The following MDGA2 variants were observed in gnomAD, a reference collection of about 807,000 sequenced individuals.
MDGA2 encodes the protein MAM domain containing glycosylphosphatidylinositol anchor 2, also known as MAM domain-containing glycosylphosphatidylinositol anchor protein 2.
In MDGA2, 40 loss-of-function variants were observed where a neutral mutation model predicts 117.8. That is an observed-to-expected ratio of 0.34 (90% confidence interval 0.26 to 0.44). The LOEUF (loss-of-function observed/expected upper bound fraction) is 0.44, where lower values mean the gene tolerates loss of function less well. Ranked by LOEUF, MDGA2 falls within the 20% of genes least tolerant of loss-of-function variation. The pLI, the probability that MDGA2 is intolerant of heterozygous loss-of-function variation, is 1.00. For missense variants in MDGA2, 1,123 were observed against 1,250.6 expected (o/e 0.90, Z 1.54); for synonymous variants, 452 against 439.0 (o/e 1.03, Z -0.37).
At chr14:47,460,612 A>G (rs970467776) in intron 1 of MDGA2, among the ~76,000 whole-genome samples, 1 of 152,188 alleles carries the variant, frequency 6.6e-6, no homozygotes, top group Non-Finnish European at 1.5e-5. Context: ...GATAATATAT[A>G]TAATTTTATA....
intron 8 of MDGA2, among the ~76,000 whole-genome samples, chr14:47,010,668 C>T (rs892893833): frequency 1.8e-4 from 27 of 151,896 alleles, no homozygotes; most frequent in Middle Eastern, 6.8e-3. Flanking sequence ...CCTAAGTGTC[C>T]CCACAAAATG....
intron 2 of MDGA2, among the ~76,000 whole-genome samples, chr14:47,229,385 T>G (rs180938057): frequency 3.9e-5 from 6 of 152,230 alleles, no homozygotes; most frequent in Non-Finnish European, 2.9e-5. Context: ...ATCTCAATAA[T>G]CTCTATCACT....
chr14:47,235,498 C>A (rs537904830), intron 2 of MDGA2, among the ~76,000 whole-genome samples: 2 of 152,106 alleles, frequency 1.3e-5, no homozygotes, highest in African/African-American at 2.4e-5. Flanking sequence ...TTGCTAAATG[C>A]GTAGATTAAT....
intron 15 of MDGA2, among the ~76,000 whole-genome samples, chr14:46,848,979 C>T (rs1179950665): frequency 1.3e-5 from 2 of 151,952 alleles, no homozygotes; most frequent in African/African-American, 4.8e-5. Flanking sequence ...GGCTGATTTG[C>T]AAATATATTA....
intron 3 of MDGA2, among the ~76,000 whole-genome samples, chr14:47,166,838 T>A (rs928051062): frequency 1.3e-5 from 2 of 152,234 alleles, no homozygotes. Flanking sequence ...ACCAACTTTG[T>A]ACCTTCCACT....
At chr14:46,972,872 T>C (rs1313825167) in intron 8 of MDGA2, among the ~76,000 whole-genome samples, 1 of 152,000 alleles carries the variant, frequency 6.6e-6, no homozygotes. Context: ...TGCCAAGACA[T>C]ACTAATAAAT....
chr14:47,591,915 G>A (rs1896447330), intron 1 of MDGA2, among the ~76,000 whole-genome samples: 1 of 152,036 alleles, frequency 6.6e-6, no homozygotes, highest in South Asian at 2.1e-4. Flanking sequence ...ACATAGTATT[G>A]GAAATTCTGG....
intron 8 of MDGA2, among the ~76,000 whole-genome samples, chr14:47,000,422 CATAT>C (rs1887486281): frequency 1.3e-5 from 1 of 75,384 alleles, no homozygotes; most frequent in South Asian, 4.1e-4. Flanking sequence ...TATATATACA[CATAT>C]AAATATATAT....
intron 1 of MDGA2, among the ~76,000 whole-genome samples, chr14:47,472,388 C>T (rs936327287): frequency 1.3e-5 from 2 of 152,170 alleles, no homozygotes; most frequent in African/African-American, 4.8e-5. Flanking sequence ...GGCTACAAAT[C>T]TGTGCAGCAA....
At chr14:46,878,819 A>T (rs781030336) in intron 11 of MDGA2, among the ~76,000 whole-genome samples, 6 of 152,194 alleles carry the variant, frequency 3.9e-5, no homozygotes, top group African/African-American at 1.4e-4. Context: ...TCAAAGATGT[A>T]AGCGTCCTTG....
chr14:47,002,645 C>T (rs1469747083), intron 8 of MDGA2, among the ~76,000 whole-genome samples: 2 of 151,908 alleles, frequency 1.3e-5, no homozygotes, highest in African/African-American at 2.4e-5. Flanking sequence ...AGGAGAATTG[C>T]TTGAACCCAG....
intron 1 of MDGA2, among the ~76,000 whole-genome samples, chr14:47,508,856 T>C (rs184974460): frequency 2.0e-5 from 3 of 152,020 alleles, no homozygotes; most frequent in Non-Finnish European, 4.4e-5. Flanking sequence ...ATTTTTAAAT[T>C]TTTTTTTGTA....
chr14:47,107,654 C>T (rs28778655), intron 5 of MDGA2, among the ~76,000 whole-genome samples: 55,287 of 148,414 alleles, frequency 0.37, 9,312 homozygotes, highest in South Asian at 0.51. Flanking sequence ...CTCTCCCTGC[C>T]GATCGTGTCC....
At chr14:47,461,884 T>C (rs1284655213) in intron 1 of MDGA2, among the ~76,000 whole-genome samples, 1 of 152,026 alleles carries the variant, frequency 6.6e-6, no homozygotes, top group Admixed American at 6.6e-5. Context: ...AATAAACCCA[T>C]AGATGAGTAA....
At chr14:46,940,323 C>T (rs538671758) in intron 9 of MDGA2, among the ~76,000 whole-genome samples, 12 of 152,194 alleles carry the variant, frequency 7.9e-5, no homozygotes, top group African/African-American at 2.4e-4. Flanking sequence ...AAAGCTATAT[C>T]TTTCCTTAAA....
intron 1 of MDGA2, among the ~76,000 whole-genome samples, chr14:47,418,472 T>C: frequency 6.6e-6 from 1 of 152,178 alleles, no homozygotes; most frequent in Non-Finnish European, 1.5e-5. Context: ...CACTTTCTGA[T>C]TCCTAGATGA....
At chr14:47,170,745 C>A (rs550289007) in intron 3 of MDGA2, among the ~76,000 whole-genome samples, 1 of 152,228 alleles carries the variant, frequency 6.6e-6, no homozygotes, top group East Asian at 1.9e-4. Context: ...TAGGAAGTTT[C>A]CTATAAAAAC....
chr14:47,103,321 T>C (rs1880446545), intron 5 of MDGA2, among the ~76,000 whole-genome samples: 1 of 152,236 alleles, frequency 6.6e-6, no homozygotes, highest in Non-Finnish European at 1.5e-5. Flanking sequence ...TGAAATTCAT[T>C]TTCAACAGGT....
chr14:47,151,808 T>A (rs1415078089), intron 3 of MDGA2, among the ~76,000 whole-genome samples: 1 of 151,824 alleles, frequency 6.6e-6, no homozygotes, highest in Non-Finnish European at 1.5e-5. Context: ...TGGTTTCCTA[T>A]AAAATATATT....
Sources: allele counts gnomAD v4.1 joint callset (sites outside exome capture counted in the v4.1 genomes callset), GRCh38; gene constraint gnomAD v4.1.1; transcripts MANE v1.5; gene names NCBI Gene and HGNC (gene_info 2026-07-23, HGNC 2026-07-21).